Variants in PCSK5 observed in about 807,000 individuals in gnomAD.
The protein encoded by PCSK5 is proprotein convertase subtilisin/kexin type 5.
PCSK5 carries 129 observed loss-of-function variants against 233.2 expected under a neutral mutation model. The observed-to-expected ratio is 0.55, with a 90% CI of 0.48 to 0.64. PCSK5 has a LOEUF of 0.64. Ranked by LOEUF, PCSK5 falls within the 30% of genes least tolerant of loss-of-function variation. PCSK5 has a pLI of 0.00. For synonymous variants in PCSK5, 825 were observed against 879.2 expected (o/e 0.94, Z 1.09); for missense variants, 2,076 against 2,430.1 (o/e 0.85, Z 3.06).
chr9:75,902,214 TAAAAAAAAAA>T (rs200579439), intron 1 of PCSK5, among the ~76,000 whole-genome samples: 20 of 53,290 alleles, frequency 3.8e-4, no homozygotes, highest in South Asian at 8.8e-4. Context: ...AGACACCATC[TAAAAAAAAAA>T]AAAAAAAAAA....
At chr9:76,144,329 T>A (rs868639432) in intron 10 of PCSK5, among the ~76,000 whole-genome samples, 1 of 152,242 alleles carries the variant, frequency 6.6e-6, no homozygotes, top group African/African-American at 2.4e-5. Context: ...GTAGAAGATA[T>A]GTATCCAGCT....
intron 2 of PCSK5, among the ~76,000 whole-genome samples, chr9:75,982,266 G>A (rs763927338): frequency 1.1e-4 from 17 of 152,046 alleles, no homozygotes; most frequent in Non-Finnish European, 2.2e-4. Context: ...ACAATTTTTA[G>A]TTCTTACTGG....
chr9:76,211,604 T>C (rs2131286159), intron 20 of PCSK5, among the ~76,000 whole-genome samples: 1 of 152,304 alleles, frequency 6.6e-6, no homozygotes, highest in East Asian at 1.9e-4. Flanking sequence ...TCCCAGCACT[T>C]GGGGAGGCTG....
At chr9:76,328,969 C>T (rs987731446) in intron 33 of PCSK5, among the ~76,000 whole-genome samples, 4 of 77,492 alleles carry the variant, frequency 5.2e-5, no homozygotes, top group East Asian at 2.4e-4. Flanking sequence ...CCATCGCTCC[C>T]GGCTAATTTT....
intron 1 of PCSK5, among the ~76,000 whole-genome samples, chr9:75,927,749 T>C (rs1823561544): frequency 6.6e-6 from 1 of 152,142 alleles, no homozygotes; most frequent in South Asian, 2.1e-4. Context: ...TATGAAAATT[T>C]AGGAACATTG....
intron 3 of PCSK5, among the ~76,000 whole-genome samples, chr9:75,993,298 T>C (rs979584979): frequency 1.3e-5 from 2 of 151,052 alleles, no homozygotes; most frequent in Non-Finnish European, 2.9e-5. Context: ...CTAGTAAGAG[T>C]TGAGATGTGG....
In PCSK5 at chr9:76,268,439, G is replaced by A. The variant is rs571212609; in HGVS notation, c.3143-23794G>A. ...TTGTTGACTGGTGGTGGCCCACATG[G>A]ATTTGTATGGTTCTCAGTCATAATC... is the stretch of plus-strand genomic sequence containing the variant. On this transcript the variant is annotated intron_variant, in intron 24 of 37. Coordinates refer to ENST00000674117, the MANE Select transcript of PCSK5 (RefSeq NM_001372043.1). Among the ~76,000 whole-genome samples the A allele has an allele frequency of 1.1e-4, 16 of 152,280 alleles. No individual in the cohort carries two copies. The South Asian group carries it at 3.3e-3, about 32-fold the overall frequency.
rs190252014 is a variant in PCSK5, at chr9:76,112,100, A to G, written c.1208+4749A>G. 2.2e-4 allele frequency among the ~76,000 whole-genome samples: 34 copies of G among 152,290 alleles called. No homozygotes were observed. The East Asian group carries it at 2.5e-3, about 11-fold the overall frequency. On this transcript the variant is annotated intron_variant, in intron 9 of 37. Transcript: ENST00000674117. ...ATCAGCATCAACTCAGAAAATACAAAAATTAAGTTCATCAAAGAAACCTTT... is the reference window on the plus strand; with the variant it reads ...ATCAGCATCAACTCAGAAAATACAAGAATTAAGTTCATCAAAGAAACCTTT...
intron 12 of PCSK5, among the ~76,000 whole-genome samples, chr9:76,167,299 C>G (rs1278919611): frequency 6.6e-6 from 1 of 152,142 alleles, no homozygotes; most frequent in African/African-American, 2.4e-5. Context: ...TCACTGCCTC[C>G]CAGTTAACCC....
chr9:76,215,402 T>A (rs1260879753), intron 20 of PCSK5, among the ~76,000 whole-genome samples: 1 of 149,870 alleles, frequency 6.7e-6, no homozygotes, highest in Non-Finnish European at 1.5e-5. Context: ...TCCTGAGCTG[T>A]GGATGCTAAG....
At chr9:76,051,864 T>G in intron 5 of PCSK5, among the ~76,000 whole-genome samples, 1 of 152,330 alleles carries the variant, frequency 6.6e-6, no homozygotes, top group East Asian at 1.9e-4. Flanking sequence ...CTAGTGGATC[T>G]AAGTCTCAGA....
chr9:75,982,409 C>A (rs1826318437), intron 2 of PCSK5, among the ~76,000 whole-genome samples: 2 of 152,094 alleles, frequency 1.3e-5, no homozygotes, highest in Admixed American at 6.6e-5. Context: ...TACACGTTTC[C>A]ATTCCCCTCA....
At chr9:76,134,362 G>A (rs940313144) in intron 10 of PCSK5, 150 bp downstream of exon 10, 13 of 557,596 alleles carry the variant, frequency 2.3e-5, no homozygotes, top group Middle Eastern at 3.6e-4. Context: ...ATAAAAGGCA[G>A]GTTGATTTTT....
intron 2 of PCSK5, among the ~76,000 whole-genome samples, chr9:75,966,644 G>A (rs1405675238): frequency 6.6e-6 from 1 of 152,190 alleles, no homozygotes. Flanking sequence ...CACTTGACCT[G>A]TCATTAAACA....
At chr9:76,096,202 C>CAG (rs1223014999) in intron 8 of PCSK5, 100 bp downstream of exon 8, 1 of 689,606 alleles carries the variant, frequency 1.5e-6, no homozygotes. Flanking sequence ...CACACACACA[C>CAG]ACACACACAC....
chr9:76,254,771 T>C lies in PCSK5; in HGVS notation c.3142+14087T>C, dbSNP rs1826925160. 2.0e-5 allele frequency among the ~76,000 whole-genome samples: 3 copies of C among 152,210 alleles called. No individual in the cohort carries two copies. The South Asian group carries it at 6.2e-4, about 32-fold the overall frequency. ...CAGTTTTTGAGTTAGATTCAAGAAA[T>C]ATTTCCTGAGCATCTACATCAGGCT... On this transcript the variant is annotated intron_variant, in intron 24 of 37. Coordinates refer to ENST00000674117, the MANE Select transcript of PCSK5 (RefSeq NM_001372043.1).
At chr9:76,036,921 G>A (rs1476849982) in intron 5 of PCSK5, among the ~76,000 whole-genome samples, 1 of 152,240 alleles carries the variant, frequency 6.6e-6, no homozygotes, top group East Asian at 1.9e-4. Flanking sequence ...ATTGTGTTCA[G>A]TAAACACTTA....
chr9:76,219,624 A>T (rs1825657393), intron 20 of PCSK5, among the ~76,000 whole-genome samples: 1 of 152,114 alleles, frequency 6.6e-6, no homozygotes, highest in East Asian at 1.9e-4. Flanking sequence ...ATCACTCCAA[A>T]GAGAAAGGAA....
chr9:75,957,725 C>A (rs1001342125), intron 2 of PCSK5, among the ~76,000 whole-genome samples: 2 of 152,182 alleles, frequency 1.3e-5, no homozygotes, highest in African/African-American at 4.8e-5. Flanking sequence ...ATTTGTTACA[C>A]ATCTCATTTT....
Sources: gnomAD v4.1 joint callset for allele counts (sites outside exome capture counted in the v4.1 genomes callset) on GRCh38, gnomAD v4.1.1 for gene constraint, MANE v1.5 for transcripts, NCBI Gene and HGNC (gene_info 2026-07-23, HGNC 2026-07-21) for gene names.